F13A1: variants seen among roughly 807,000 people sequenced by gnomAD.
The protein encoded by F13A1 is coagulation factor XIII A chain.
In F13A1, 47 loss-of-function variants were observed where a neutral mutation model predicts 80.1. The ratio of observed to expected loss-of-function variants is 0.59; its 90% CI spans 0.46 to 0.75. The LOEUF (loss-of-function observed/expected upper bound fraction) is 0.75, where lower values mean the gene tolerates loss of function less well. Ranked by LOEUF, F13A1 falls within the 30% of genes least tolerant of loss-of-function variation. The pLI, the probability that F13A1 is intolerant of heterozygous loss-of-function variation, is 0.00. For synonymous variants in F13A1, 349 were observed against 344.9 expected, an observed-to-expected ratio of 1.01 and a Z score of -0.13; for missense variants, 817 against 930.4, an observed-to-expected ratio of 0.88 and a Z score of 1.59.
intron 6 of F13A1, among the ~76,000 whole-genome samples, chr6:6,228,908 C>A (rs1757313459): frequency 1.3e-5 from 2 of 152,076 alleles, no homozygotes; most frequent in Non-Finnish European, 2.9e-5. Context: ...CTGAGATATG[C>A]CTCCAGTTGT....
intron 3 of F13A1, among the ~76,000 whole-genome samples, chr6:6,289,522 G>GA (rs142873052): frequency 0.075 from 11,447 of 152,056 alleles, 1,143 homozygotes; most frequent in African/African-American, 0.22. Context: ...AAAAGGAGGG[G>GA]AAAAATCATA....
chr6:6,305,935 C>A (rs1330250708), intron 2 of F13A1, among the ~76,000 whole-genome samples: 1 of 152,176 alleles, frequency 6.6e-6, no homozygotes, highest in Non-Finnish European at 1.5e-5. Context: ...ACTAACCAGG[C>A]AGAAGCAGGG....
intron 2 of F13A1, among the ~76,000 whole-genome samples, chr6:6,311,522 C>CAAAA (rs36187372): frequency 1.4e-5 from 2 of 142,970 alleles, no homozygotes; most frequent in Admixed American, 7.0e-5. Flanking sequence ...AAACCTAAGT[C>CAAAA]AAAAAAAAAA....
rs373316750 is a variant in F13A1 at position 6,243,141 on chromosome 6, TCAC to T, written c.798+5168_798+5170del. ...CTACCACTATCACCACCATCATAAATCACCACCACCACCACATTACGCCATCAC... is the reference window on the plus strand; with the variant it reads ...CTACCACTATCACCACCATCATAAATCACCACCACCACATTACGCCATCAC... On this transcript the variant is annotated intron_variant, in intron 6 of 14. Transcript: ENST00000264870. This position sits in a 1 kb window ranked among gnomAD's most constrained non-coding sequence, Gnocchi z 4.2. Among the ~76,000 whole-genome samples the T allele has an allele frequency of 2.4e-3, 368 of 150,844 alleles. 1 individual carries two copies. Among genetic ancestry groups the T allele is most frequent in the African/African-American group, 8.2e-3 (338 of 41,080 alleles).
chr6:6,262,434 A>G (rs1195899973), intron 4 of F13A1, among the ~76,000 whole-genome samples: 2 of 152,278 alleles, frequency 1.3e-5, no homozygotes, highest in African/African-American at 4.8e-5. Flanking sequence ...CAGCAGCACA[A>G]GTGTGAGTAG....
At chr6:6,194,780 A>G (rs539268345) in intron 10 of F13A1, among the ~76,000 whole-genome samples, 1 of 152,332 alleles carries the variant, frequency 6.6e-6, no homozygotes, top group East Asian at 1.9e-4. Flanking sequence ...TACATTAATA[A>G]TAACTATTTG....
chr6:6,201,651 C>G (rs954713054), intron 8 of F13A1, among the ~76,000 whole-genome samples: 2 of 152,178 alleles, frequency 1.3e-5, no homozygotes, highest in Non-Finnish European at 2.9e-5. Context: ...TTTTTTATAT[C>G]CCAAGTTCCT....
At chr6:6,188,280 G>C (rs1761117552) in intron 10 of F13A1, among the ~76,000 whole-genome samples, 1 of 151,010 alleles carries the variant, frequency 6.6e-6, no homozygotes, top group African/African-American at 2.4e-5. Flanking sequence ...GAATGTGTTT[G>C]CTCTTGCTTT....
chr6:6,318,743 G>A (rs1758726848), intron 1 of F13A1, 61 bp from the exon 2 acceptor site: 1 of 1,549,574 alleles, frequency 6.5e-7, no homozygotes, highest in Non-Finnish European at 8.8e-7. Context: ...TAACATTTGA[G>A]ACAAGGATTC....
rs73720347 is a variant in F13A1, at chr6:6,243,566, C to G, written c.798+4746G>C. On this transcript the variant is annotated intron_variant, in intron 6 of 14. Transcript: ENST00000264870. The surrounding 1 kb of genome is among the most constrained non-coding windows in gnomAD (Gnocchi z 4.2). ...TCTTCTTTTCTAGGAAATGGCAATT[C>G]AATCTTACATAATTATTGTGTTATT... Among the ~76,000 whole-genome samples, 6,880 of 152,266 alleles carry G rather than the reference C, an allele frequency of 0.045. 317 individuals carry two copies. Among genetic ancestry groups the G allele is most frequent in the African/African-American group, 0.12 (5,010 of 41,532 alleles).
In F13A1 at chr6:6,268,129, T is replaced by A. The variant is rs544668315; in HGVS notation, c.320-1320A>T. Among the ~76,000 whole-genome samples the A allele has an allele frequency of 1.2e-4, 18 of 152,342 alleles. No homozygotes were observed. In the South Asian group the frequency reaches 3.7e-3, roughly 32 times the overall value. ...TAATTTAAAGACTACTTCTGACATT[T>A]TTCATTCATATATTGATATTGCCTA... On this transcript the variant is annotated intron_variant, in intron 3 of 14. Coordinates refer to ENST00000264870, the MANE Select transcript of F13A1 (RefSeq NM_000129.4).
At chr6:6,186,297 C>T (rs1400394323) in intron 10 of F13A1, among the ~76,000 whole-genome samples, 3 of 151,922 alleles carry the variant, frequency 2.0e-5, no homozygotes, top group Non-Finnish European at 4.4e-5. Flanking sequence ...AGTCCTTGCC[C>T]ATGCCTATGT....
chr6:6,211,080 G>T (rs1761600046), intron 8 of F13A1, among the ~76,000 whole-genome samples: 1 of 152,182 alleles, frequency 6.6e-6, no homozygotes, highest in Non-Finnish European at 1.5e-5. Context: ...AGCCCCCTTG[G>T]GTTTGTAATT....
chr6:6,155,357 C>T (rs574705806), intron 13 of F13A1, among the ~76,000 whole-genome samples: 13 of 152,262 alleles, frequency 8.5e-5, no homozygotes, highest in African/African-American at 2.9e-4. Flanking sequence ...CATGCCTAAT[C>T]AGTTTGCTTC....
chr6:6,309,591 TCA>T (rs949153581), intron 2 of F13A1, among the ~76,000 whole-genome samples: 1 of 152,298 alleles, frequency 6.6e-6, no homozygotes, highest in African/African-American at 2.4e-5. Flanking sequence ...AGCCTGCTCA[TCA>T]CACGAGCCTT....
intron 2 of F13A1, among the ~76,000 whole-genome samples, chr6:6,307,979 T>C (rs945405357): frequency 6.2e-5 from 9 of 145,952 alleles, no homozygotes; most frequent in African/African-American, 2.4e-4. Flanking sequence ...CTCATAGGAT[T>C]TTTTTTTTTT....
chr6:6,296,519 G>A lies in F13A1; in HGVS notation c.319+8832C>T, dbSNP rs1451688997. 2.0e-5 allele frequency among the ~76,000 whole-genome samples: 3 copies of A among 151,048 alleles called. No homozygotes were observed. The East Asian group carries it at 5.8e-4, about 29-fold the overall frequency. On this transcript the variant is annotated intron_variant, in intron 3 of 14. Transcript: ENST00000264870. ...TTCTCTTTGAAGCAATTGTGAATGGGAATTCACTCATGATTTGGCTCTCTG... is the reference window on the plus strand; with the variant it reads ...TTCTCTTTGAAGCAATTGTGAATGGAAATTCACTCATGATTTGGCTCTCTG...
intron 3 of F13A1, among the ~76,000 whole-genome samples, chr6:6,274,677 A>T (rs1263961764): frequency 2.6e-5 from 4 of 152,258 alleles, no homozygotes; most frequent in Non-Finnish European, 5.9e-5. Context: ...CATTTTAAAC[A>T]TTCCTACAGC....
intron 4 of F13A1, among the ~76,000 whole-genome samples, chr6:6,253,863 A>T (rs760610588): frequency 1.4e-4 from 22 of 152,202 alleles, no homozygotes; most frequent in Non-Finnish European, 2.5e-4. Flanking sequence ...GTGTTTTGAC[A>T]GCTGGTTATC....
Sources: allele counts gnomAD v4.1 joint callset (sites outside exome capture counted in the v4.1 genomes callset), GRCh38; gene constraint gnomAD v4.1.1; non-coding constraint Gnocchi (gnomAD v3.1); transcripts MANE v1.5; gene names NCBI Gene and HGNC (gene_info 2026-07-23, HGNC 2026-07-21).